Variants in NAV2 observed in about 807,000 individuals in gnomAD.
NAV2 encodes neuron navigator 2.
Under a neutral mutation model 223.2 loss-of-function variants are expected in NAV2, and 54 were observed. The ratio of observed to expected loss-of-function variants is 0.24; its 90% CI spans 0.19 to 0.30. The LOEUF (loss-of-function observed/expected upper bound fraction) is 0.30. Among genes scored for constraint, NAV2 ranks in the 10% least tolerant of loss-of-function variants. The pLI is 1.00. For synonymous variants in NAV2, 1,279 were observed against 1,239.3 expected (o/e 1.03, Z -0.67); for missense variants, 2,806 against 3,147.5 (o/e 0.89, Z 2.60).
At chr11:19,842,976 C>T (rs2060589653) in intron 3 of NAV2, 53 bp downstream of exon 3, 1 of 1,470,904 alleles carries the variant, frequency 6.8e-7, no homozygotes, top group South Asian at 1.2e-5. Flanking sequence ...AGCCCTGCCT[C>T]TAAGTGATAT....
At chr11:19,848,981 G>A (rs778285343) in intron 3 of NAV2, among the ~76,000 whole-genome samples, 1 of 152,156 alleles carries the variant, frequency 6.6e-6, no homozygotes, top group Non-Finnish European at 1.5e-5. Flanking sequence ...TTCCTTCTGT[G>A]AGAAATGTGG....
intron 1 of NAV2, among the ~76,000 whole-genome samples, chr11:19,558,228 A>G (rs2044970299): frequency 6.6e-6 from 1 of 152,242 alleles, no homozygotes; most frequent in Non-Finnish European, 1.5e-5. Context: ...AGCCGAAACA[A>G]CTACGTATTT....
chr11:19,413,003 C>A (rs1331117127), intron 1 of NAV2, among the ~76,000 whole-genome samples: 1 of 152,150 alleles, frequency 6.6e-6, no homozygotes, highest in African/African-American at 2.4e-5. Flanking sequence ...ATTCCAAAAA[C>A]CAGATGACCT....
chr11:19,738,562 C>T (rs1298283546), intron 1 of NAV2, among the ~76,000 whole-genome samples: 1 of 152,180 alleles, frequency 6.6e-6, no homozygotes, highest in African/African-American at 2.4e-5. Flanking sequence ...CCAACCCAGA[C>T]CCCGCCCCCA....
intron 1 of NAV2, among the ~76,000 whole-genome samples, chr11:19,789,311 A>G (rs543480127): frequency 6.6e-6 from 1 of 152,202 alleles, no homozygotes; most frequent in Non-Finnish European, 1.5e-5. Context: ...TAGTTTGTGA[A>G]TGCTAAATAA....
chr11:19,416,916 G>T (rs749954899), intron 1 of NAV2, among the ~76,000 whole-genome samples: 1 of 152,068 alleles, frequency 6.6e-6, no homozygotes, highest in Admixed American at 6.6e-5. Context: ...AAACTGTACC[G>T]CTTCCTTACA....
At chr11:19,696,050 AG>A (rs1431593113) in intron 1 of NAV2, among the ~76,000 whole-genome samples, 1 of 152,100 alleles carries the variant, frequency 6.6e-6, no homozygotes, top group African/African-American at 2.4e-5. Flanking sequence ...CAGGAGAAAA[AG>A]CAAAATGCTA....
At chr11:19,460,547 G>A (rs1852117871) in intron 1 of NAV2, among the ~76,000 whole-genome samples, 1 of 151,132 alleles carries the variant, frequency 6.6e-6, no homozygotes, top group African/African-American at 2.4e-5. Context: ...ACTATCGCAA[G>A]GACAAAAAAC....
chr11:19,897,886 TTATATATA>T lies in NAV2; in HGVS notation c.931+5304_931+5311del, dbSNP rs10524489. Among the ~76,000 whole-genome samples the T allele has an allele frequency of 5.0e-5, 6 of 120,686 alleles. 1 individual carries two copies. Among genetic ancestry groups the T allele is most frequent in the East Asian group, 6.8e-4 (2 of 2,922 alleles). The allele number at this position is 120,686 out of a possible 152,430, so 79.2% of individuals were successfully genotyped here. ...GCCACAGCTGTGCCTGACCTGTGAT[TTATATATA>T]TATATATATATGTGAGCAGATTTGC... On this transcript the variant is annotated intron_variant, in intron 6 of 37. Transcript: ENST00000349880.
intron 12 of NAV2, among the ~76,000 whole-genome samples, chr11:20,040,637 G>A (rs891979470): frequency 1.1e-4 from 17 of 152,134 alleles, no homozygotes; most frequent in Non-Finnish European, 2.2e-4. Flanking sequence ...TCCCTTGTGC[G>A]TGGCTTCTTT....
chr11:19,917,357 G>A (rs771631686), intron 6 of NAV2, among the ~76,000 whole-genome samples: 2 of 152,166 alleles, frequency 1.3e-5, no homozygotes, highest in Non-Finnish European at 2.9e-5. Context: ...GGGAGGGGGT[G>A]TCACAGGGAG....
chr11:19,428,925 G>T (rs1179184697), intron 1 of NAV2, among the ~76,000 whole-genome samples: 1 of 152,166 alleles, frequency 6.6e-6, no homozygotes, highest in African/African-American at 2.4e-5. Context: ...TGTACTTGGA[G>T]GCAAAGGTAA....
intron 20 of NAV2, among the ~76,000 whole-genome samples, chr11:20,062,688 T>C (rs1368256923): frequency 6.6e-6 from 1 of 152,076 alleles, no homozygotes; most frequent in African/African-American, 2.4e-5. Context: ...TGCCTCAGTT[T>C]CTTTCTTTCT....
chr11:19,862,146 A>AT (rs944898322), intron 3 of NAV2, among the ~76,000 whole-genome samples: 9 of 152,034 alleles, frequency 5.9e-5, no homozygotes, highest in East Asian at 1.9e-4. Context: ...TCTAGAGATA[A>AT]TTTTTTTTTG....
chr11:20,033,508 C>T (rs1336708364), intron 11 of NAV2, among the ~76,000 whole-genome samples: 1 of 152,150 alleles, frequency 6.6e-6, no homozygotes, highest in Non-Finnish European at 1.5e-5. Flanking sequence ...GGGCTGGGCA[C>T]AAGAAGTAGA....
chr11:19,665,038 A>G lies in NAV2; in HGVS notation c.76-167446A>G, dbSNP rs374705803. On this transcript the variant is annotated intron_variant, in intron 1 of 37. Transcript: ENST00000360655. ...CTAAGTCTTGTGAAACTCAAAAGCCAAGGATTTTATCACTTATGTCGCATT... is the reference window on the plus strand; with the variant it reads ...CTAAGTCTTGTGAAACTCAAAAGCCGAGGATTTTATCACTTATGTCGCATT... Among the ~76,000 whole-genome samples the G allele has an allele frequency of 7.2e-5, 11 of 152,324 alleles. No individual in the cohort carries two copies. The East Asian group carries it at 2.1e-3, about 29-fold the overall frequency.
intron 1 of NAV2, among the ~76,000 whole-genome samples, chr11:19,485,825 A>G (rs2042426610): frequency 6.6e-6 from 1 of 152,202 alleles, no homozygotes; most frequent in South Asian, 2.1e-4. Context: ...GGGGTGGGAT[A>G]CTATGGAATA....
intron 1 of NAV2, chr11:19,505,031 CTCTTCCCA>C (rs1311665154): frequency 1.3e-5 from 2 of 152,268 alleles, no homozygotes; most frequent in African/African-American, 4.8e-5. Flanking sequence ...AAAACTTAGC[CTCTTCCCA>C]TCTTCCCATT....
chr11:20,111,685 A>G (rs1182700142), intron 36 of NAV2, among the ~76,000 whole-genome samples: 1 of 152,192 alleles, frequency 6.6e-6, no homozygotes, highest in African/African-American at 2.4e-5. Flanking sequence ...AGGGAACAGG[A>G]ACAGTGCAGA....
Sources: gnomAD v4.1 joint callset for allele counts (sites outside exome capture counted in the v4.1 genomes callset) on GRCh38, gnomAD v4.1.1 for gene constraint, MANE v1.5 for transcripts, NCBI Gene and HGNC (gene_info 2026-07-23, HGNC 2026-07-21) for gene names.